Variants in PYGO1 observed in about 807,000 individuals in gnomAD.
The protein encoded by PYGO1 is pygopus homolog 1.
PYGO1 carries 6 observed loss-of-function variants against 29.5 expected under a neutral mutation model. The observed-to-expected ratio is 0.20, with a 90% confidence interval of 0.11 to 0.40. The LOEUF is 0.40. Among genes scored for constraint, PYGO1 ranks in the 10% least tolerant of loss-of-function variants. PYGO1 has a pLI of 1.00. For synonymous variants in PYGO1, 186 were observed against 180.5 expected (o/e 1.03, Z -0.24); for missense variants, 515 against 514.9 (o/e 1.00, Z 0.00).
chr15:55,556,563 C>A lies in PYGO1; in HGVS notation c.50-7568G>T, dbSNP rs534057837. 5.3e-5 allele frequency among the ~76,000 whole-genome samples: 8 copies of A among 152,008 alleles called. 1 individual carries two copies. In the South Asian group the frequency reaches 1.7e-3, roughly 31 times the overall value. On this transcript the variant is annotated intron_variant, in intron 1 of 2. Coordinates refer to ENST00000563719, the MANE Select transcript of PYGO1 (RefSeq NM_001367806.1). ...AAAAGCTCGAAAGATCTCAAATTAC[C>A]AAGCTAACATCACAACTAAAAGAAC... is the stretch of plus-strand genomic sequence containing the variant.
chr15:55,550,192 T>C (rs574908853), intron 1 of PYGO1, among the ~76,000 whole-genome samples: 2 of 152,286 alleles, frequency 1.3e-5, no homozygotes, highest in South Asian at 2.1e-4. Flanking sequence ...CTTCCCTCCA[T>C]CCTGTTTTTT....
intron 1 of PYGO1, among the ~76,000 whole-genome samples, chr15:55,584,132 G>A (rs1169334102): frequency 8.2e-5 from 12 of 146,646 alleles, no homozygotes; most frequent in African/African-American, 3.0e-4. Context: ...TTTTGGTGGG[G>A]GCAGATAGGG....
At chr15:55,585,869 T>C (rs1369219719) in intron 1 of PYGO1, among the ~76,000 whole-genome samples, 2 of 152,178 alleles carry the variant, frequency 1.3e-5, no homozygotes, top group African/African-American at 4.8e-5. Flanking sequence ...GGGGAATAAT[T>C]GTATCTCAGG....
chr15:55,576,927 A>T (rs562546873), intron 1 of PYGO1, among the ~76,000 whole-genome samples: 1 of 151,880 alleles, frequency 6.6e-6, no homozygotes, highest in African/African-American at 2.4e-5. Context: ...CACTAAGCCA[A>T]GGGAAAGGTC....
intron 1 of PYGO1, among the ~76,000 whole-genome samples, chr15:55,583,740 T>G (rs545406128): frequency 6.6e-6 from 1 of 152,312 alleles, no homozygotes; most frequent in South Asian, 2.1e-4. Flanking sequence ...ACTCCTGCGC[T>G]GAAGTGATGC....
rs2059057985 is a variant in PYGO1, at chr15:55,588,159, G to A, written c.-276C>T. 1.1e-5 allele frequency: 6 copies of A among 562,054 alleles called. No homozygotes were observed. The highest frequency in any genetic ancestry group is 1.3e-5 in the Non-Finnish European group (6 of 445,382). The allele number at this position is 562,054 out of a possible 1,614,324, so 34.8% of individuals were successfully genotyped here. ...GGCCTGGGGGCGGCCCCCCACCCGG[G>A]GCCGGCATGTGCTGAGGGCGAGTGC... is the stretch of plus-strand genomic sequence containing the variant. On this transcript the variant is annotated 5_prime_UTR_variant, in exon 1 of 3. Coordinates refer to ENST00000563719, the MANE Select transcript of PYGO1 (RefSeq NM_001367806.1).
intron 1 of PYGO1, among the ~76,000 whole-genome samples, chr15:55,555,384 G>C (rs1339318037): frequency 1.3e-5 from 2 of 151,866 alleles, no homozygotes; most frequent in African/African-American, 4.8e-5. Context: ...AGGAAAAACT[G>C]TTGCCAGCCA....
chr15:55,548,628 C>G (rs550718896), intron 2 of PYGO1, among the ~76,000 whole-genome samples: 1 of 142,452 alleles, frequency 7.0e-6, no homozygotes, highest in Non-Finnish European at 1.5e-5. Flanking sequence ...ATCGCTTCAA[C>G]CTGGGAGGTG....
At position 55,580,278 on chromosome 15, in the gene PYGO1, AT is replaced by A. The variant is rs571134289; in HGVS notation, c.49+7556del. Among the ~76,000 whole-genome samples, 427 of 151,972 alleles carry A rather than the reference AT, an allele frequency of 2.8e-3. 1 individual carries two copies. Among genetic ancestry groups the A allele is most frequent in the Non-Finnish European group, 4.8e-3 (327 of 67,932 alleles). On this transcript the variant is annotated intron_variant, in intron 1 of 2. Coordinates refer to ENST00000563719, the MANE Select transcript of PYGO1 (RefSeq NM_001367806.1). ...AACCTCAGAGTTTTCTGCTTAAAAA[AT>A]TTTTTTTTGTTCATTGTTTTCTTTC... is the stretch of plus-strand genomic sequence containing the variant.
At chr15:55,568,124 A>C (rs1370918172) in intron 1 of PYGO1, among the ~76,000 whole-genome samples, 1 of 152,172 alleles carries the variant, frequency 6.6e-6, no homozygotes, top group Non-Finnish European at 1.5e-5. Flanking sequence ...ATTCCATTGT[A>C]GTTTGATAGA....
At chr15:55,587,244 T>C (rs1010744724) in intron 1 of PYGO1, among the ~76,000 whole-genome samples, 9 of 152,130 alleles carry the variant, frequency 5.9e-5, no homozygotes, top group African/African-American at 2.2e-4. Flanking sequence ...AAGAAGAAAA[T>C]CAACCATGCA....
chr15:55,547,839 A>G (rs1190975281), intron 2 of PYGO1, among the ~76,000 whole-genome samples: 3 of 152,250 alleles, frequency 2.0e-5, no homozygotes, highest in South Asian at 2.1e-4. Context: ...ACCACAAGTT[A>G]TAACAAAAAA....
intron 1 of PYGO1, among the ~76,000 whole-genome samples, chr15:55,562,011 C>A (rs1443185120): frequency 6.6e-6 from 1 of 151,930 alleles, no homozygotes; most frequent in East Asian, 1.9e-4. Flanking sequence ...ACCAACCAAC[C>A]CCATTAAAAA....
intron 1 of PYGO1, among the ~76,000 whole-genome samples, chr15:55,552,852 T>C (rs1361666290): frequency 6.6e-6 from 1 of 152,278 alleles, no homozygotes; most frequent in South Asian, 2.1e-4. Context: ...CACCCATACA[T>C]TCCCTAGGAA....
At chr15:55,556,383 C>A (rs541342728) in intron 1 of PYGO1, among the ~76,000 whole-genome samples, 1 of 152,272 alleles carries the variant, frequency 6.6e-6, no homozygotes, top group South Asian at 2.1e-4. Flanking sequence ...AACTGAACAA[C>A]CTGCTCCTGA....
chr15:55,580,279 T>A (rs536651003), intron 1 of PYGO1, among the ~76,000 whole-genome samples: 44 of 151,200 alleles, frequency 2.9e-4, no homozygotes, highest in East Asian at 1.5e-3. Flanking sequence ...GCTTAAAAAA[T>A]TTTTTTTTGT....
chr15:55,552,841 C>T (rs894975969), intron 1 of PYGO1, among the ~76,000 whole-genome samples: 2 of 152,180 alleles, frequency 1.3e-5, no homozygotes, highest in African/African-American at 4.8e-5. Flanking sequence ...GGCAAAAGAT[C>T]CACCCATACA....
intron 1 of PYGO1, among the ~76,000 whole-genome samples, chr15:55,581,783 G>A (rs918343183): frequency 1.3e-5 from 2 of 150,570 alleles, no homozygotes. Context: ...TAGCAATGTG[G>A]AAATGGATTA....
intron 1 of PYGO1, among the ~76,000 whole-genome samples, chr15:55,571,107 T>A (rs1374858135): frequency 6.6e-6 from 1 of 151,782 alleles, no homozygotes; most frequent in African/African-American, 2.4e-5. Flanking sequence ...ACAAGTAGAA[T>A]CATCCAGTAC....
Sources: allele counts gnomAD v4.1 joint callset (sites outside exome capture counted in the v4.1 genomes callset), GRCh38; gene constraint gnomAD v4.1.1; transcripts MANE v1.5; gene names NCBI Gene and HGNC (gene_info 2026-07-23, HGNC 2026-07-21).